CHP2: variants seen among roughly 807,000 people sequenced by gnomAD.
CHP2 encodes calcineurin like EF-hand protein 2.
In CHP2, 31 loss-of-function variants were observed where a neutral mutation model predicts 24.7. The observed-to-expected ratio is 1.26, with a 90% CI of 0.94 to 1.69. CHP2 has a LOEUF of 1.69. Among genes scored for constraint, CHP2 ranks in the 40% most tolerant of loss-of-function variants. CHP2 has a pLI of 0.00. For synonymous variants in CHP2, 97 were observed against 99.1 expected, an observed-to-expected ratio of 0.98 and a Z score of 0.13; for missense variants, 319 against 261.5, an observed-to-expected ratio of 1.22 and a Z score of -1.52.
chr16:23,755,815 T>A (rs1286629597), intron 2 of CHP2, 32 bp from the exon 3 acceptor site: 1 of 1,613,852 alleles, frequency 6.2e-7, no homozygotes, highest in South Asian at 1.1e-5. Flanking sequence ...CTGGCATCTC[T>A]GCCTTACCCT....
chr16:23,757,326 C>T lies in CHP2; in HGVS notation c.537+3C>T. On this transcript the variant is annotated splice_donor_region_variant and intron_variant, in intron 6 of 6. Coordinates refer to ENST00000300113, the MANE Select transcript of CHP2 (RefSeq NM_022097.4). ...TGTCCTTCGTGGAGTTCACCAAGGTCAGAGTGCCCTTGGGGATTGGGGAGT... is the reference window on the plus strand; with the variant it reads ...TGTCCTTCGTGGAGTTCACCAAGGTTAGAGTGCCCTTGGGGATTGGGGAGT... 6.2e-7 allele frequency: 1 copy of T among 1,608,860 alleles called. No homozygotes were observed. The highest frequency in any genetic ancestry group is 8.5e-7 in the Non-Finnish European group (1 of 1,176,904).
chr16:23,756,289 C>A, intron 4 of CHP2, 96 bp downstream of exon 4: 2 of 1,583,016 alleles, frequency 1.3e-6, no homozygotes, highest in African/African-American at 1.3e-5. Flanking sequence ...AGGGCATTGA[C>A]AACCTCCCCC....
intron 5 of CHP2, 120 bp from the exon 6 acceptor site, chr16:23,757,081 A>C (rs748129127): frequency 8.4e-7 from 1 of 1,191,302 alleles, no homozygotes; most frequent in Non-Finnish European, 1.2e-6. Context: ...TGAAAAATGG[A>C]TGAAGGATGG....
Position 23,755,878 on chromosome 16 carries a change from G to A in CHP2, c.172G>A (p.Ala58Thr), listed in dbSNP as rs756989190. 9.3e-6 allele frequency: 15 copies of A among 1,614,090 alleles called. No homozygotes were observed. In the East Asian group the frequency reaches 3.3e-4, roughly 36 times the overall value. The change falls in exon 3 of 7, where the codon GCC (alanine) becomes ACC (threonine). Residue 58 changes from alanine (A) to threonine (T), a missense_variant. Physicochemically the swap from Ala to Thr is moderately conservative, Grantham distance 58. Transcript: ENST00000300113. ...GGATCTCCAGCAGATAGGGGCGCTC[G>A]CCGTGAACCCCCTGGGAGACCGAAT... ...RMDLQQIGALAVNPLGDRIIE... is the reference protein window; with the variant it reads ...RMDLQQIGALTVNPLGDRIIE...
intron 5 of CHP2, among the ~76,000 whole-genome samples, chr16:23,756,910 C>A (rs887888143): frequency 1.3e-5 from 2 of 151,952 alleles, no homozygotes; most frequent in African/African-American, 4.8e-5. Flanking sequence ...GAATTAGAAA[C>A]CCTTAGTGGC....
chr16:23,755,998 G>C (rs1264056711), intron 3 of CHP2, 65 bp from the exon 4 acceptor site: 2 of 1,613,846 alleles, frequency 1.2e-6, no homozygotes, highest in Non-Finnish European at 1.7e-6. Context: ...GGGGAGGTTA[G>C]AGACGGAGGC....
rs750027903 is a variant in CHP2 at position 23,755,663 on chromosome 16, T to A, written c.70T>A (p.Ser24Thr). 6.2e-7 allele frequency: 1 copy of A among 1,613,550 alleles called. No individual in the cohort carries two copies. Among genetic ancestry groups the A allele is most frequent in the South Asian group, 1.1e-5 (1 of 91,062 alleles). ...CCACCCCACTCTCCTTCCCGCAGTCTCCCAAGCCAGCCTGCTCCGCCTGCA... is the reference window on the plus strand; with the variant it reads ...CCACCCCACTCTCCTTCCCGCAGTCACCCAAGCCAGCCTGCTCCGCCTGCA... ...GDSIRRETGF[S>T]QASLLRLHHR... Residue 24 changes from serine (S) to threonine (T), a missense_variant and splice_region_variant, in exon 2 of 7, where the codon TCC becomes ACC. Ser to Thr is a moderately conservative substitution (Grantham distance 58). Coordinates refer to ENST00000300113, the MANE Select transcript of CHP2 (RefSeq NM_022097.4).
At chr16:23,756,549 G>T in intron 5 of CHP2, 100 bp downstream of exon 5, 3 of 1,020,074 alleles carry the variant, frequency 2.9e-6, no homozygotes, top group Non-Finnish European at 3.0e-6. Context: ...GAACTGGGGC[G>T]CAGATAATTG....
Position 23,757,511 on chromosome 16 carries a change from C to A in CHP2, c.538-19C>A. 3.7e-6 allele frequency: 6 copies of A among 1,613,180 alleles called. No homozygotes were observed. The highest frequency in any genetic ancestry group is 5.1e-6 in the Non-Finnish European group (6 of 1,179,436). ...AGCTGAGAGTCAAGCCTCTTGCCTGCCATTTGTTTTTCCCTCAGTCCTTAG... is the reference window on the plus strand; with the variant it reads ...AGCTGAGAGTCAAGCCTCTTGCCTGACATTTGTTTTTCCCTCAGTCCTTAG... On this transcript the variant is annotated intron_variant, in intron 6 of 6. Coordinates refer to ENST00000300113, the MANE Select transcript of CHP2 (RefSeq NM_022097.4).
In CHP2 at chr16:23,757,979, G is replaced by C. The variant is rs1043810164; in HGVS notation, c.*396G>C. The C allele has an allele frequency of 9.3e-6, 3 of 321,444 alleles. No individual in the cohort carries two copies. The highest frequency in any genetic ancestry group is 1.8e-5 in the Non-Finnish European group (3 of 167,622). 19.9% of individuals were successfully genotyped at this position (321,444 alleles called of 1,614,324 possible). A position where few individuals can be genotyped will look rare whatever the true frequency, so the allele number is the denominator to read the frequency against. On this transcript the variant is annotated 3_prime_UTR_variant, in exon 7 of 7. Transcript: ENST00000300113. The stretch of plus-strand genomic sequence containing the variant: ...ACGGTCCCATATGGGAGTGATGGGA[G>C]ACAGTGACAGATCATCAGGCATTAG...
In CHP2 at chr16:23,755,923, G is replaced by C; in HGVS notation, c.217G>C (p.Asp73His). 2 of 1,614,140 alleles carry C rather than the reference G, an allele frequency of 1.2e-6. No individual in the cohort carries two copies. Among genetic ancestry groups the C allele is most frequent in the East Asian group, 2.2e-5 (1 of 44,878 alleles). Residue 73 changes from aspartate (D) to histidine (H), a missense_variant, in exon 3 of 7, where the codon GAT becomes CAT. Coordinates refer to ENST00000300113, the MANE Select transcript of CHP2 (RefSeq NM_022097.4). Reference protein sequence around the residue: ...GDRIIESFFPDGSQRVDFPGF... With the variant: ...GDRIIESFFPHGSQRVDFPGF... ...CCGAATTATAGAAAGCTTCTTCCCC[G>C]ATGGGTGAGGCTTGCTGGGCGTGGG...
Position 23,757,737 on chromosome 16 carries a change from C to A in CHP2, c.*154C>A. ...GAGAAGAAAGCTGGAAGGATGTGTA[C>A]TAAAGTCTAGCTCAGCAGTCCCCAA... On this transcript the variant is annotated 3_prime_UTR_variant, in exon 7 of 7. Transcript: ENST00000300113. The A allele has an allele frequency of 1.3e-6, 1 of 747,600 alleles. No homozygotes were observed. The highest frequency in any genetic ancestry group is 1.5e-5 in the South Asian group (1 of 64,550). The allele number at this position is 747,600 out of a possible 1,614,324, so 46.3% of individuals were successfully genotyped here.
At chr16:23,757,131 A>C in intron 5 of CHP2, 70 bp from the exon 6 acceptor site, 1 of 1,584,602 alleles carries the variant, frequency 6.3e-7, no homozygotes, top group South Asian at 1.1e-5. Flanking sequence ...GAGGTGGGCA[A>C]GGTTTAGGAG....
rs1961240439 is a variant in CHP2 at position 23,757,384 on chromosome 16, G to T, written c.537+61G>T. 9 of 1,594,566 alleles carry T rather than the reference G, an allele frequency of 5.6e-6. No individual in the cohort carries two copies. The Middle Eastern group carries it at 1.0e-3, about 183-fold the overall frequency. On this transcript the variant is annotated intron_variant, in intron 6 of 6. Coordinates refer to ENST00000300113, the MANE Select transcript of CHP2 (RefSeq NM_022097.4). ...AGGAGTTCTGGGGCAGACAGACTTG[G>T]GAAACGTTCAACGGAGGAGGGCGGA...
chr16:23,756,884 T>G (rs1961232749), intron 5 of CHP2, among the ~76,000 whole-genome samples: 1 of 151,986 alleles, frequency 6.6e-6, no homozygotes, highest in Non-Finnish European at 1.5e-5. Flanking sequence ...GGAACAGATG[T>G]GATGGAATGA....
At chr16:23,756,946 G>A (rs2141044439) in intron 5 of CHP2, among the ~76,000 whole-genome samples, 1 of 152,272 alleles carries the variant, frequency 6.6e-6, no homozygotes, top group East Asian at 1.9e-4. Flanking sequence ...TGTGGAGGAT[G>A]GATGGAGGTT....
rs1185468743 is a variant in CHP2, at chr16:23,756,449, G to A, written c.414G>A (p.Gln138=). The part of the protein sequence containing the change: ...DGKISRHEML[Q]VLRLMVGVQV... ...AGATCTCCAGGCATGAGATGCTGCA[G>A]GTTGGCAGAAAGCGAGAGCAAGAGA... is the stretch of plus-strand genomic sequence containing the variant. Residue 138 remains glutamine (Q), a splice_region_variant and synonymous_variant, in exon 5 of 7, where the codon CAG becomes CAA. Transcript: ENST00000300113. 2 of 1,613,496 alleles carry A rather than the reference G, an allele frequency of 1.2e-6. No individual in the cohort carries two copies. Among genetic ancestry groups the A allele is most frequent in the South Asian group, 1.1e-5 (1 of 91,046 alleles).
chr16:23,757,738 T>C lies in CHP2; in HGVS notation c.*155T>C, dbSNP rs969198937. 4 of 741,262 alleles carry C rather than the reference T, an allele frequency of 5.4e-6. No homozygotes were observed. In the East Asian group the frequency reaches 1.0e-4, roughly 19 times the overall value. The allele number at this position is 741,262 out of a possible 1,614,324, so 45.9% of individuals were successfully genotyped here. ...AGAAGAAAGCTGGAAGGATGTGTAC[T>C]AAAGTCTAGCTCAGCAGTCCCCAAC... On this transcript the variant is annotated 3_prime_UTR_variant, in exon 7 of 7. Transcript: ENST00000300113.
At chr16:23,756,218 G>T in intron 4 of CHP2, 25 bp downstream of exon 4, 1 of 1,613,090 alleles carries the variant, frequency 6.2e-7, no homozygotes, top group East Asian at 2.2e-5. Context: ...ACCTGCACAA[G>T]TGAGAATGCA....
Sources: gnomAD v4.1 joint callset for allele counts (sites outside exome capture counted in the v4.1 genomes callset) on GRCh38, gnomAD v4.1.1 for gene constraint, MANE v1.5 for transcripts, NCBI Gene and HGNC (gene_info 2026-07-23, HGNC 2026-07-21) for gene names.